KIAA1328: variants seen among roughly 807,000 people sequenced by gnomAD.
The protein encoded by KIAA1328 is protein hinderin.
In KIAA1328, 52 loss-of-function variants were observed where a neutral mutation model predicts 68.1. The observed-to-expected ratio is 0.76, with a 90% CI of 0.61 to 0.96. The LOEUF (loss-of-function observed/expected upper bound fraction) is 0.96. Among genes scored for constraint, KIAA1328 ranks in the 40% least tolerant of loss-of-function variants. The pLI is 0.00. For missense variants in KIAA1328, 641 were observed against 677.6 expected, an observed-to-expected ratio of 0.95 and a Z score of 0.60; for synonymous variants, 232 against 239.4, an observed-to-expected ratio of 0.97 and a Z score of 0.28.
Position 37,100,740 on chromosome 18 carries a change from C to T in KIAA1328, c.1232+33195C>T, listed in dbSNP as rs561999295. ...CTGCCTCCTCAAGTGGGTCCCTGAC[C>T]CCCGAGTAGCCTAACTGGGAGGCAC... On this transcript the variant is annotated intron_variant, in intron 7 of 9. Coordinates refer to ENST00000280020, the MANE Select transcript of KIAA1328 (RefSeq NM_020776.3). Among the ~76,000 whole-genome samples, 7 of 152,280 alleles carry T rather than the reference C, an allele frequency of 4.6e-5. No homozygotes were observed. In the South Asian group the frequency reaches 1.2e-3, roughly 27 times the overall value.
chr18:37,015,357 G>C (rs191688863), intron 6 of KIAA1328, among the ~76,000 whole-genome samples: 1 of 152,038 alleles, frequency 6.6e-6, no homozygotes, highest in African/African-American at 2.4e-5. Flanking sequence ...ATTGGTCTAC[G>C]TGTCTGTTTT....
At chr18:37,079,927 A>G (rs566120519) in intron 7 of KIAA1328, among the ~76,000 whole-genome samples, 32 of 151,528 alleles carry the variant, frequency 2.1e-4, no homozygotes, top group African/African-American at 7.2e-4. Flanking sequence ...AATGATTTCT[A>G]ATTTTCTTCC....
intron 6 of KIAA1328, among the ~76,000 whole-genome samples, chr18:37,046,067 A>G (rs1003126922): frequency 2.6e-5 from 4 of 152,212 alleles, no homozygotes; most frequent in African/African-American, 9.6e-5. Context: ...TTTCAGAACA[A>G]TGTTTTACAC....
At chr18:37,018,581 A>G (rs1598985412) in intron 6 of KIAA1328, among the ~76,000 whole-genome samples, 1 of 152,026 alleles carries the variant, frequency 6.6e-6, no homozygotes, top group Admixed American at 6.5e-5. Context: ...TTTTTATCCT[A>G]TCTCAGGAAT....
chr18:37,111,650 G>A (rs747894894), intron 7 of KIAA1328, among the ~76,000 whole-genome samples: 7 of 152,174 alleles, frequency 4.6e-5, no homozygotes, highest in African/African-American at 9.7e-5. Context: ...CAACTGAGGC[G>A]CCTGGTTCAT....
intron 6 of KIAA1328, among the ~76,000 whole-genome samples, chr18:37,051,674 A>G (rs548673718): frequency 6.6e-6 from 1 of 152,294 alleles, no homozygotes; most frequent in African/African-American, 2.4e-5. Context: ...ATCAAGGAGG[A>G]GGAATTCCTC....
chr18:36,893,456 TGTGTG>T lies in KIAA1328; in HGVS notation c.448+7785_448+7789del, dbSNP rs1379253573. Among the ~76,000 whole-genome samples, 100 of 135,484 alleles carry T rather than the reference TGTGTG, an allele frequency of 7.4e-4. 1 individual carries two copies. Among genetic ancestry groups the T allele is most frequent in the Middle Eastern group, 3.8e-3 (1 of 264 alleles). The allele number at this position is 135,484 out of a possible 152,430, so 88.9% of individuals were successfully genotyped here. The stretch of plus-strand genomic sequence containing the variant: ...CTATTTGTGTGTGTGTGTGTGTGTG[TGTGTG>T]TTTTTGTGTGTGTGTGTGTGTGTGT... On this transcript the variant is annotated intron_variant, in intron 5 of 9. Coordinates refer to ENST00000280020, the MANE Select transcript of KIAA1328 (RefSeq NM_020776.3).
At chr18:37,225,966 T>C (rs2060633817), downstream of KIAA1328, among the ~76,000 whole-genome samples, 1 of 152,210 alleles carries the variant, frequency 6.6e-6, no homozygotes, top group Non-Finnish European at 1.5e-5. Flanking sequence ...TTTGGGTGTT[T>C]AGGAATCTGG....
intron 9 of KIAA1328, among the ~76,000 whole-genome samples, chr18:37,198,391 T>G (rs536062828): frequency 1.3e-5 from 2 of 152,320 alleles, no homozygotes; most frequent in African/African-American, 4.8e-5. Context: ...GCAGCCACAT[T>G]GTATGCTGCA....
intron 8 of KIAA1328, among the ~76,000 whole-genome samples, chr18:37,170,012 C>T (rs143522552): frequency 9.2e-5 from 14 of 152,322 alleles, no homozygotes; most frequent in Middle Eastern, 3.4e-3. Context: ...CCTTTCACCT[C>T]ACTCACAAAT....
chr18:36,878,005 C>A (rs1400329394), intron 4 of KIAA1328, among the ~76,000 whole-genome samples: 4 of 152,012 alleles, frequency 2.6e-5, no homozygotes, highest in Admixed American at 2.6e-4. Context: ...AGCCCACTTA[C>A]CTTTAAGGTT....
intron 6 of KIAA1328, among the ~76,000 whole-genome samples, chr18:37,064,026 G>A (rs2056252726): frequency 6.6e-6 from 1 of 152,032 alleles, no homozygotes; most frequent in African/African-American, 2.4e-5. Flanking sequence ...GTTTGTACTG[G>A]CAGTAAGTAC....
At chr18:37,191,273 A>G (rs569196887) in intron 9 of KIAA1328, among the ~76,000 whole-genome samples, 5 of 152,304 alleles carry the variant, frequency 3.3e-5, no homozygotes, top group African/African-American at 1.2e-4. Flanking sequence ...ATACATGTGC[A>G]TTTAAAGACT....
chr18:37,103,006 A>G (rs1274421958), intron 7 of KIAA1328, among the ~76,000 whole-genome samples: 6 of 152,200 alleles, frequency 3.9e-5, no homozygotes. Flanking sequence ...CAACGAGGAA[A>G]GTACCAAGCA....
chr18:37,165,168 C>G (rs141436106), intron 8 of KIAA1328, among the ~76,000 whole-genome samples: 1 of 152,194 alleles, frequency 6.6e-6, no homozygotes, highest in South Asian at 2.1e-4. Context: ...CTCCAAATAT[C>G]GTCATATTCT....
At chr18:37,040,258 T>C (rs2055193361) in intron 6 of KIAA1328, among the ~76,000 whole-genome samples, 1 of 152,236 alleles carries the variant, frequency 6.6e-6, no homozygotes, top group Admixed American at 6.5e-5. Context: ...ATTTTGACTA[T>C]TTGACTACTT....
chr18:36,952,750 G>A (rs528647992), intron 5 of KIAA1328, among the ~76,000 whole-genome samples: 4 of 152,012 alleles, frequency 2.6e-5, no homozygotes, highest in Non-Finnish European at 5.9e-5. Flanking sequence ...TGGCCTTTTC[G>A]CTGTCTTGTG....
chr18:37,063,455 A>G (rs1185967702), intron 6 of KIAA1328: 1 of 164,106 alleles, frequency 6.1e-6, no homozygotes, highest in African/African-American at 2.4e-5. Flanking sequence ...CCTTAGTTAC[A>G]TATGAAGTCT....
chr18:36,841,448 C>A (rs2046855271), intron 3 of KIAA1328, among the ~76,000 whole-genome samples: 1 of 151,612 alleles, frequency 6.6e-6, no homozygotes, highest in Admixed American at 6.6e-5. Flanking sequence ...GAAGAGGATT[C>A]TTTTCTTCTT....
Sources: gnomAD v4.1 joint callset for allele counts (sites outside exome capture counted in the v4.1 genomes callset) on GRCh38, gnomAD v4.1.1 for gene constraint, MANE v1.5 for transcripts, NCBI Gene and HGNC (gene_info 2026-07-23, HGNC 2026-07-21) for gene names.